The following LRRTM4 variants were observed in gnomAD, a reference collection of about 807,000 sequenced individuals.
LRRTM4 encodes the protein leucine rich repeat transmembrane neuronal 4.
In LRRTM4, 25 loss-of-function variants were observed where a neutral mutation model predicts 47.6. The observed-to-expected ratio is 0.53, with a 90% CI of 0.38 to 0.73. The LOEUF (loss-of-function observed/expected upper bound fraction) is 0.73, where lower values mean the gene tolerates loss of function less well. LRRTM4 is among the 30% of genes least tolerant of loss of function. The pLI, the probability that LRRTM4 is intolerant of heterozygous loss-of-function variation, is 0.00. For missense variants in LRRTM4, 638 were observed against 713.4 expected (o/e 0.89, Z 1.20); for synonymous variants, 311 against 269.5 (o/e 1.15, Z -1.51).
At chr2:76,751,229 G>A (rs1672838946) in intron 3 of LRRTM4, among the ~76,000 whole-genome samples, 2 of 152,062 alleles carry the variant, frequency 1.3e-5, no homozygotes, top group Admixed American at 1.3e-4. Context: ...CTATTAACTT[G>A]TATAATTCAC....
chr2:77,207,737 TG>T (rs1674178415), intron 3 of LRRTM4, among the ~76,000 whole-genome samples: 1 of 152,080 alleles, frequency 6.6e-6, no homozygotes, highest in African/African-American at 2.4e-5. Context: ...AAATAAACTA[TG>T]TATGATATGT....
At chr2:76,854,384 G>C (rs1050115010) in intron 3 of LRRTM4, among the ~76,000 whole-genome samples, 2 of 152,054 alleles carry the variant, frequency 1.3e-5, no homozygotes, top group East Asian at 3.9e-4. Flanking sequence ...ATTAAATAGA[G>C]TCATGATACC....
At chr2:76,893,540 G>C (rs2103720259) in intron 3 of LRRTM4, among the ~76,000 whole-genome samples, 1 of 151,714 alleles carries the variant, frequency 6.6e-6, no homozygotes, top group East Asian at 1.9e-4. Context: ...CTACCTGAAA[G>C]GTTTTTTCTA....
At chr2:77,111,172 G>A (rs935337979) in intron 3 of LRRTM4, among the ~76,000 whole-genome samples, 22 of 151,902 alleles carry the variant, frequency 1.4e-4, no homozygotes, top group Non-Finnish European at 3.2e-4. Context: ...TGCAGTGGCA[G>A]GATCTTGGCT....
chr2:77,217,438 G>GAA (rs1239924646), intron 3 of LRRTM4, among the ~76,000 whole-genome samples: 4 of 20,964 alleles, frequency 1.9e-4, no homozygotes, highest in Non-Finnish European at 1.4e-4. Flanking sequence ...ATCTCCAAAT[G>GAA]AAATATATAT....
At chr2:76,896,385 T>A (rs1176692841) in intron 3 of LRRTM4, among the ~76,000 whole-genome samples, 1 of 151,870 alleles carries the variant, frequency 6.6e-6, no homozygotes, top group Admixed American at 6.6e-5. Context: ...AAAATGACAG[T>A]TTTCATCAGA....
At chr2:77,453,457 G>A (rs548889923) in intron 3 of LRRTM4, among the ~76,000 whole-genome samples, 3 of 152,180 alleles carry the variant, frequency 2.0e-5, no homozygotes, top group Non-Finnish European at 4.4e-5. Flanking sequence ...TGGGATTACA[G>A]GCGTGAGCTA....
intron 3 of LRRTM4, among the ~76,000 whole-genome samples, chr2:77,094,663 C>T (rs1670758588): frequency 6.6e-6 from 1 of 152,066 alleles, no homozygotes; most frequent in African/African-American, 2.4e-5. Context: ...ACAGCATTCT[C>T]CCAAACACAC....
intron 3 of LRRTM4, among the ~76,000 whole-genome samples, chr2:77,362,170 A>AAAGAAAGGAAGAAAGGAAGGAAGG (rs1282143102): frequency 7.5e-6 from 1 of 133,544 alleles, no homozygotes; most frequent in East Asian, 2.3e-4. Context: ...AGAAAGAAAG[A>AAAGAAAGGAAGAAAGGAAGGAAGG]AAGGAAGGAA....
chr2:77,114,979 T>A (rs560286568), intron 3 of LRRTM4, among the ~76,000 whole-genome samples: 1 of 152,198 alleles, frequency 6.6e-6, no homozygotes, highest in African/African-American at 2.4e-5. Context: ...TGACTACAAT[T>A]TACCAGGCTG....
chr2:77,376,478 C>T (rs1395322864), intron 3 of LRRTM4, among the ~76,000 whole-genome samples: 1 of 150,392 alleles, frequency 6.6e-6, no homozygotes, highest in Non-Finnish European at 1.5e-5. Flanking sequence ...TACCACATTA[C>T]ATATCCTCAT....
At chr2:76,979,696 C>CGATA (rs71376811) in intron 3 of LRRTM4, among the ~76,000 whole-genome samples, 3,795 of 146,518 alleles carry the variant, frequency 0.026, 73 homozygotes, top group South Asian at 0.074. Context: ...AGAGTATAAG[C>CGATA]GATAGATAGA....
In LRRTM4 at chr2:77,040,294, G is replaced by C. The variant is rs552100379; in HGVS notation, c.1552-291378C>G. ...AAAATCATGATGTATGCAAATTACA[G>C]CTCATCATTTGCTAAATGCTTGCAG... is the stretch of plus-strand genomic sequence containing the variant. On this transcript the variant is annotated intron_variant, in intron 3 of 3. Coordinates refer to ENST00000409884, the MANE Select transcript of LRRTM4 (RefSeq NM_001134745.3). 4.0e-5 allele frequency among the ~76,000 whole-genome samples: 6 copies of C among 151,380 alleles called. No homozygotes were observed. The South Asian group carries it at 1.0e-3, about 26-fold the overall frequency.
chr2:77,096,513 C>A (rs1466076435), intron 3 of LRRTM4, among the ~76,000 whole-genome samples: 1 of 150,412 alleles, frequency 6.6e-6, no homozygotes, highest in African/African-American at 2.4e-5. Context: ...AAGTACAAAA[C>A]AATAATAAAA....
chr2:77,268,699 A>G (rs909936059), intron 3 of LRRTM4, among the ~76,000 whole-genome samples: 5 of 152,110 alleles, frequency 3.3e-5, no homozygotes, highest in African/African-American at 1.2e-4. Context: ...CTCTATGAAA[A>G]CAAAAAAAAA....
intron 3 of LRRTM4, among the ~76,000 whole-genome samples, chr2:77,509,600 A>G (rs1328451788): frequency 6.6e-6 from 1 of 152,190 alleles, no homozygotes; most frequent in Non-Finnish European, 1.5e-5. Context: ...AACTAATAAT[A>G]ACAATGAAAA....
intron 3 of LRRTM4, among the ~76,000 whole-genome samples, chr2:77,175,922 G>A (rs1218058426): frequency 2.0e-5 from 3 of 151,232 alleles, no homozygotes; most frequent in Non-Finnish European, 4.4e-5. Context: ...GTCTCTCAAA[G>A]TGCTGGGATT....
intron 3 of LRRTM4, among the ~76,000 whole-genome samples, chr2:77,404,864 A>G (rs1674118754): frequency 6.6e-6 from 1 of 152,140 alleles, no homozygotes; most frequent in East Asian, 1.9e-4. Flanking sequence ...AGGTAGCTGC[A>G]TAGAGTAAAA....
chr2:77,255,822 A>T (rs1176555208), intron 3 of LRRTM4, among the ~76,000 whole-genome samples: 2 of 152,108 alleles, frequency 1.3e-5, no homozygotes, highest in Admixed American at 6.6e-5. Context: ...TTAACCAAAA[A>T]GTCTAAAGTC....
Sources: gnomAD v4.1 joint callset for allele counts (sites outside exome capture counted in the v4.1 genomes callset) on GRCh38, gnomAD v4.1.1 for gene constraint, MANE v1.5 for transcripts, NCBI Gene and HGNC (gene_info 2026-07-23, HGNC 2026-07-21) for gene names.